The following ATXN3 variants were observed in gnomAD, a reference collection of about 807,000 sequenced individuals.
ATXN3 encodes ataxin-3.
ATXN3 carries 28 observed loss-of-function variants against 58.2 expected under a neutral mutation model. The observed-to-expected ratio is 0.48, with a 90% CI of 0.36 to 0.66. The LOEUF (loss-of-function observed/expected upper bound fraction) is 0.66, where lower values mean the gene tolerates loss of function less well. Ranked by LOEUF, ATXN3 falls within the 30% of genes least tolerant of loss-of-function variation. The pLI is 0.00. For synonymous variants in ATXN3, 113 were observed against 138.5 expected (o/e 0.82, Z 1.29); for missense variants, 321 against 422.1 (o/e 0.76, Z 2.10).
At chr14:92,077,998 G>A (rs532825289) in intron 9 of ATXN3, among the ~76,000 whole-genome samples, 19 of 144,824 alleles carry the variant, frequency 1.3e-4, no homozygotes, top group South Asian at 2.2e-4. Flanking sequence ...TTTTTGAGGC[G>A]GAGTTTCACT....
chr14:92,057,763 G>A (rs927790614), downstream of ATXN3, among the ~76,000 whole-genome samples: 8 of 152,188 alleles, frequency 5.3e-5, no homozygotes, highest in African/African-American at 1.7e-4. Flanking sequence ...GGTGTCCAGA[G>A]TTGGATAAAA....
At chr14:92,104,772 A>C (rs1325605147) in intron 1 of ATXN3, among the ~76,000 whole-genome samples, 2 of 151,800 alleles carry the variant, frequency 1.3e-5, no homozygotes, top group African/African-American at 4.8e-5. Context: ...AAAATACAAA[A>C]ATTAGCTGGG....
chr14:92,067,274 A>G (rs1168497154), intron 10 of ATXN3, among the ~76,000 whole-genome samples: 2 of 152,190 alleles, frequency 1.3e-5, no homozygotes, highest in African/African-American at 2.4e-5. Context: ...TGAGTTTATC[A>G]TATTTGAGCT....
intron 10 of ATXN3, 163 bp downstream of exon 10, chr14:92,070,772 T>G: frequency 3.0e-6 from 4 of 1,313,616 alleles, no homozygotes; most frequent in Non-Finnish European, 4.0e-6. Context: ...TTTTGGTAAC[T>G]GCTCCTTAAT....
chr14:92,066,864 G>A (rs1566911028), intron 10 of ATXN3, among the ~76,000 whole-genome samples: 1 of 151,710 alleles, frequency 6.6e-6, no homozygotes, highest in African/African-American at 2.4e-5. Flanking sequence ...TCGCCTCCCA[G>A]GTTCAAGCGA....
intron 1 of ATXN3, among the ~76,000 whole-genome samples, chr14:92,105,229 C>T (rs2067987097): frequency 6.6e-6 from 1 of 152,158 alleles, no homozygotes. Context: ...CGAGACCAGC[C>T]TGGGCAACAC....
intron 1 of ATXN3, among the ~76,000 whole-genome samples, chr14:92,100,466 A>G (rs2141250669): frequency 6.6e-6 from 1 of 152,234 alleles, no homozygotes; most frequent in Middle Eastern, 3.4e-3. Context: ...TCACAGTAGA[A>G]TGGAAATTGT....
At chr14:92,067,647 T>C (rs1184800786) in intron 10 of ATXN3, among the ~76,000 whole-genome samples, 1 of 152,242 alleles carries the variant, frequency 6.6e-6, no homozygotes, top group Non-Finnish European at 1.5e-5. Context: ...TTGGCCCACC[T>C]TGGCCTCCCA....
At chr14:92,069,259 T>C (rs1477574578) in intron 10 of ATXN3, among the ~76,000 whole-genome samples, 1 of 150,700 alleles carries the variant, frequency 6.6e-6, no homozygotes, top group Non-Finnish European at 1.5e-5. Flanking sequence ...TTAGTAGAGA[T>C]GGGGTTTCAC....
At chr14:92,089,487 C>T (rs940319389) in intron 5 of ATXN3, among the ~76,000 whole-genome samples, 7 of 151,778 alleles carry the variant, frequency 4.6e-5, no homozygotes, top group South Asian at 2.1e-4. Flanking sequence ...TACAGGCGCA[C>T]GCCGCCACAC....
At position 92,064,106 on chromosome 14, in the gene ATXN3, CTT is replaced by C; in HGVS notation, c.*212_*213del. The C allele has an allele frequency of 2.8e-6, 1 of 358,924 alleles. No individual in the cohort carries two copies. The highest frequency in any genetic ancestry group is 5.1e-6 in the Non-Finnish European group (1 of 197,362). 22.2% of individuals were successfully genotyped at this position (358,924 alleles called of 1,614,324 possible). On this transcript the variant is annotated 3_prime_UTR_variant, in exon 11 of 11. Transcript: ENST00000644486. ...ACATTTAGAAAACTATTTTAAATGTCTTTAATTGCTGAATGCCTCTTTGGCTA... is the reference window on the plus strand; with the variant it reads ...ACATTTAGAAAACTATTTTAAATGTCTAATTGCTGAATGCCTCTTTGGCTA...
chr14:92,052,225 T>C (rs1425302059), upstream of ATXN3, among the ~76,000 whole-genome samples: 1 of 152,096 alleles, frequency 6.6e-6, no homozygotes, highest in Non-Finnish European at 1.5e-5. Flanking sequence ...CCGGGTGCGG[T>C]GGTTCACGCC....
intron 10 of ATXN3, chr14:92,070,656 TTAAAG>T: frequency 1.2e-6 from 1 of 803,094 alleles, no homozygotes; most frequent in Non-Finnish European, 1.9e-6. Context: ...AATTATTATG[TTAAAG>T]TATTCATTAA....
At chr14:92,079,880 G>C (rs541660577) in intron 9 of ATXN3, among the ~76,000 whole-genome samples, 1 of 152,106 alleles carries the variant, frequency 6.6e-6, no homozygotes, top group Admixed American at 6.5e-5. Context: ...TGGGATTACA[G>C]GCACCCACCA....
At chr14:92,075,156 GTTTT>G (rs376552690) in intron 9 of ATXN3, among the ~76,000 whole-genome samples, 30 of 111,348 alleles carry the variant, frequency 2.7e-4, no homozygotes, top group African/African-American at 7.0e-4. Flanking sequence ...GTAATAGGGA[GTTTT>G]TTTTTTTTTT....
chr14:92,076,412 C>T lies in ATXN3; in HGVS notation c.872+4553G>A, dbSNP rs1031660498. Reference sequence around the variant, plus strand: ...GCAGTGAGCCGAGATCGCGCCACTGCACTCCAGACTGGGTGACAAAAGCGA... The same window carrying T: ...GCAGTGAGCCGAGATCGCGCCACTGTACTCCAGACTGGGTGACAAAAGCGA... On this transcript the variant is annotated intron_variant, in intron 9 of 10. Coordinates refer to ENST00000644486, the MANE Select transcript of ATXN3 (RefSeq NM_004993.6). Among the ~76,000 whole-genome samples the T allele has an allele frequency of 3.5e-5, 5 of 144,876 alleles. No homozygotes were observed. In the East Asian group the frequency reaches 1.0e-3, roughly 30 times the overall value.
At chr14:92,099,369 T>C (rs1003194483) in intron 1 of ATXN3, among the ~76,000 whole-genome samples, 3 of 152,208 alleles carry the variant, frequency 2.0e-5, no homozygotes, top group Non-Finnish European at 4.4e-5. Context: ...ACAGCCTCAG[T>C]CTGAGATAAG....
chr14:92,103,960 G>T (rs1459971344), intron 1 of ATXN3, among the ~76,000 whole-genome samples: 1 of 152,164 alleles, frequency 6.6e-6, no homozygotes, highest in East Asian at 1.9e-4. Flanking sequence ...TCCCAGAATG[G>T]ACTGTATAGG....
At chr14:92,082,256 C>G in intron 8 of ATXN3, 44 bp downstream of exon 8, 1 of 1,551,560 alleles carries the variant, frequency 6.4e-7, no homozygotes, top group Non-Finnish European at 8.7e-7. Flanking sequence ...TAATTGGAAT[C>G]AATTCTTCAG....
Sources: gnomAD v4.1 joint callset for allele counts (sites outside exome capture counted in the v4.1 genomes callset) on GRCh38, gnomAD v4.1.1 for gene constraint, MANE v1.5 for transcripts, NCBI Gene and HGNC (gene_info 2026-07-23, HGNC 2026-07-21) for gene names.